SP100: variants seen among roughly 807,000 people sequenced by gnomAD.
SP100 encodes nuclear autoantigen Sp-100.
A neutral mutation model predicts 130.0 loss-of-function variants in SP100; 84 were observed. The ratio of observed to expected loss-of-function variants is 0.65; its 90% CI spans 0.54 to 0.77. SP100 has a LOEUF of 0.77. SP100 is among the 30% of genes least tolerant of loss of function. The pLI is 0.00. For synonymous variants in SP100, 331 were observed against 351.7 expected, an observed-to-expected ratio of 0.94 and a Z score of 0.66; for missense variants, 978 against 1,052.2, an observed-to-expected ratio of 0.93 and a Z score of 0.97.
At chr2:230,532,536 TAAA>T in intron 24 of SP100, among the ~76,000 whole-genome samples, 1 of 148,080 alleles carries the variant, frequency 6.8e-6, no homozygotes, top group African/African-American at 2.5e-5. Context: ...TAAGTAGTAA[TAAA>T]AAAAAAAAAG....
intron 17 of SP100, among the ~76,000 whole-genome samples, chr2:230,476,693 A>G (rs1210964491): frequency 2.0e-5 from 3 of 152,234 alleles, no homozygotes; most frequent in African/African-American, 7.2e-5. Context: ...ATACCTGGAC[A>G]ATAAAAACGT....
chr2:230,439,748 T>C (rs1394410854), intron 2 of SP100, among the ~76,000 whole-genome samples: 2 of 152,128 alleles, frequency 1.3e-5, no homozygotes, highest in Non-Finnish European at 2.9e-5. Context: ...CTTAGGATAC[T>C]AATCATATCA....
chr2:230,500,769 C>G (rs1170938299), intron 19 of SP100, among the ~76,000 whole-genome samples: 1 of 152,066 alleles, frequency 6.6e-6, no homozygotes, highest in Admixed American at 6.6e-5. Context: ...CAGAACCACC[C>G]CTGTGTGGAT....
At chr2:230,524,179 C>A (rs867352719) in intron 24 of SP100, among the ~76,000 whole-genome samples, 844 of 74,906 alleles carry the variant, frequency 0.011, no homozygotes, top group African/African-American at 0.014. Flanking sequence ...ACTAAAAATA[C>A]AAAAAAAAAA....
chr2:230,538,353 G>A (rs367711856), intron 24 of SP100: 1 of 152,262 alleles, frequency 6.6e-6, no homozygotes, highest in East Asian at 1.9e-4. Flanking sequence ...TGATGTATCA[G>A]AAACCTTGAC....
intron 19 of SP100, among the ~76,000 whole-genome samples, chr2:230,500,224 C>A (rs2066942024): frequency 6.6e-6 from 1 of 152,112 alleles, no homozygotes; most frequent in Non-Finnish European, 1.5e-5. Flanking sequence ...AACTAGTAGA[C>A]CCAAGAACAG....
chr2:230,468,902 C>A, intron 13 of SP100, 141 bp from the exon 14 acceptor site: 10 of 405,730 alleles, frequency 2.5e-5, no homozygotes, highest in East Asian at 5.0e-5. Flanking sequence ...TGATAGTAAT[C>A]TCTTTCCCTT....
At chr2:230,422,197 C>T (rs1041149822) in intron 2 of SP100, among the ~76,000 whole-genome samples, 8 of 152,074 alleles carry the variant, frequency 5.3e-5, no homozygotes, top group South Asian at 2.1e-4. Context: ...TCAAGAAATC[C>T]GAAATTTTCT....
intron 24 of SP100, among the ~76,000 whole-genome samples, chr2:230,536,632 T>G (rs1487868640): frequency 2.0e-5 from 3 of 152,154 alleles, no homozygotes; most frequent in Non-Finnish European, 4.4e-5. Context: ...CACTCCCTAA[T>G]TCCTGCTTCC....
chr2:230,468,574 GGGC>G (rs1466135904), intron 13 of SP100, among the ~76,000 whole-genome samples: 1 of 91,488 alleles, frequency 1.1e-5, no homozygotes, highest in African/African-American at 3.0e-5. Context: ...GGAGGCTGAG[GGGC>G]TGAGGCAGGT....
At chr2:230,439,901 A>G (rs1382853393) in intron 2 of SP100, among the ~76,000 whole-genome samples, 1 of 152,132 alleles carries the variant, frequency 6.6e-6, no homozygotes, top group African/African-American at 2.4e-5. Context: ...CTCTCTAAAA[A>G]TGCAAACTAT....
At position 230,544,399 on chromosome 2, in the gene SP100, G is replaced by C. The variant is rs6724975; in HGVS notation, c.*1453G>C. Among the ~76,000 whole-genome samples, 120,049 of 152,154 alleles carry C rather than the reference G, an allele frequency of 0.79. 48,113 individuals carry two copies. Among genetic ancestry groups the C allele is most frequent in the Middle Eastern group, 0.91 (269 of 294 alleles). ...ATTTGCACACTATGCATCTGACAAA[G>C]GTCTAATAGCCAGCTTCTATAGGGA... On this transcript the variant is annotated 3_prime_UTR_variant, in exon 29 of 29. Transcript: ENST00000340126.
chr2:230,532,566 T>A (rs1691749829), intron 24 of SP100, among the ~76,000 whole-genome samples: 1 of 151,616 alleles, frequency 6.6e-6, no homozygotes, highest in Non-Finnish European at 1.5e-5. Context: ...GACTAGTGAG[T>A]TTTGATCCCA....
chr2:230,495,909 ATTAT>A (rs1296731366), intron 18 of SP100, among the ~76,000 whole-genome samples: 1 of 152,030 alleles, frequency 6.6e-6, no homozygotes, highest in Admixed American at 6.6e-5. Flanking sequence ...ATTACTTCTG[ATTAT>A]TTGTCTGTCA....
At chr2:230,448,608 A>G (rs2063820524) in intron 5 of SP100, among the ~76,000 whole-genome samples, 1 of 152,212 alleles carries the variant, frequency 6.6e-6, no homozygotes, top group Admixed American at 6.5e-5. Flanking sequence ...ATCCAGAAAA[A>G]AAGAATACCA....
At chr2:230,532,986 G>T (rs907424070) in intron 24 of SP100, among the ~76,000 whole-genome samples, 7 of 152,122 alleles carry the variant, frequency 4.6e-5, no homozygotes. Flanking sequence ...TCATCATGTT[G>T]GCCAGGCTGG....
intron 26 of SP100, 132 bp downstream of exon 26, chr2:230,541,128 C>G: frequency 2.4e-6 from 3 of 1,261,594 alleles, no homozygotes; most frequent in Non-Finnish European, 2.2e-6. Flanking sequence ...TGCTCCATGA[C>G]CTAACGCTAC....
rs539722033 is a variant in SP100, at chr2:230,478,527, A to G, written c.1600+4080A>G. ...CATATTTTGCAAGAGAGTAAGACTG[A>G]TCTTCTTTTGAAATTTCTCAATTTA... is the stretch of plus-strand genomic sequence containing the variant. On this transcript the variant is annotated intron_variant, in intron 17 of 28. Transcript: ENST00000340126. 1.2e-4 allele frequency among the ~76,000 whole-genome samples: 18 copies of G among 152,318 alleles called. No individual in the cohort carries two copies. In the East Asian group the frequency reaches 3.3e-3, roughly 28 times the overall value.
chr2:230,450,778 G>T (rs1192830686), intron 8 of SP100, among the ~76,000 whole-genome samples: 5 of 152,162 alleles, frequency 3.3e-5, no homozygotes, highest in African/African-American at 1.2e-4. Context: ...CCAGGTTCAT[G>T]GTTGTTGTTG....
Sources: allele counts gnomAD v4.1 joint callset (sites outside exome capture counted in the v4.1 genomes callset), GRCh38; gene constraint gnomAD v4.1.1; transcripts MANE v1.5; gene names NCBI Gene and HGNC (gene_info 2026-07-23, HGNC 2026-07-21).